Variants in TMEM144 observed in about 807,000 individuals in gnomAD.
TMEM144 encodes the protein transmembrane protein 144.
Under a neutral mutation model 43.6 loss-of-function variants are expected in TMEM144, and 39 were observed. The observed-to-expected ratio is 0.90, with a 90% confidence interval of 0.69 to 1.17. The LOEUF is 1.17. Among genes scored for constraint, TMEM144 ranks in the 50% most tolerant of loss-of-function variants. TMEM144 has a pLI of 0.00. For missense variants in TMEM144, 417 were observed against 411.9 expected, an observed-to-expected ratio of 1.01 and a Z score of -0.11; for synonymous variants, 154 against 133.6, an observed-to-expected ratio of 1.15 and a Z score of -1.06.
At chr4:158,213,226 G>GA in intron 3 of TMEM144, 1 of 171,066 alleles carries the variant, frequency 5.8e-6, no homozygotes, top group Non-Finnish European at 1.2e-5. Context: ...TACACATAAT[G>GA]CACGCAGACA....
In TMEM144 at chr4:158,233,216, A is replaced by G. The variant is rs1735171473; in HGVS notation, c.495+234A>G. ...TTATTTTGATTAACAGATCTCTACT[A>G]GGTGATATATATATAACCCCATTTT... On this transcript the variant is annotated intron_variant, in intron 7 of 12. Transcript: ENST00000296529. 9 of 353,816 alleles carry G rather than the reference A, an allele frequency of 2.5e-5. No homozygotes were observed. In the South Asian group the frequency reaches 4.6e-4, roughly 18 times the overall value. The allele number at this position is 353,816 out of a possible 1,614,324, so 21.9% of individuals were successfully genotyped here. A position where few individuals can be genotyped will look rare whatever the true frequency, so the allele number is the denominator to read the frequency against.
rs374339575 is a variant in TMEM144, at chr4:158,244,396, C to G, written c.954+47C>G. ...CTTAGAAAATGGGAATGGGGTAGGC[C>G]GGGCGTGGTGGCTCACGCTTGTCCT... is the stretch of plus-strand genomic sequence containing the variant. On this transcript the variant is annotated intron_variant, in intron 12 of 12. Transcript: ENST00000296529. 3 of 1,518,182 alleles carry G rather than the reference C, an allele frequency of 2.0e-6. No individual in the cohort carries two copies. The African/African-American group carries it at 4.2e-5, about 21-fold the overall frequency. The allele number at this position is 1,518,182 out of a possible 1,614,324, so 94.0% of individuals were successfully genotyped here. A position where few individuals can be genotyped will look rare whatever the true frequency, so the allele number is the denominator to read the frequency against.
chr4:158,250,018 A>G (rs542555052), intron 12 of TMEM144, among the ~76,000 whole-genome samples: 1 of 151,496 alleles, frequency 6.6e-6, no homozygotes, highest in East Asian at 1.9e-4. Flanking sequence ...TGTTAGTGCT[A>G]AGGATCACAC....
chr4:158,212,590 T>C lies in TMEM144; in HGVS notation c.-60-18T>C. The C allele has an allele frequency of 9.4e-7, 1 of 1,065,386 alleles. No individual in the cohort carries two copies. Among genetic ancestry groups the C allele is most frequent in the Non-Finnish European group, 1.4e-6 (1 of 730,004 alleles). The allele number at this position is 1,065,386 out of a possible 1,614,324, so 66.0% of individuals were successfully genotyped here. ...ACAGATTCACGTCTCAATTGTTTCA[T>C]TTTTTCTTTTATTTCAGAAGCTCCT... On this transcript the variant is annotated intron_variant, in intron 2 of 12. Transcript: ENST00000296529.
chr4:158,224,199 A>C (rs916713832), intron 6 of TMEM144, among the ~76,000 whole-genome samples: 2 of 152,102 alleles, frequency 1.3e-5, no homozygotes, highest in African/African-American at 4.8e-5. Flanking sequence ...TGGTCATGCA[A>C]ATGTCTTCTT....
intron 4 of TMEM144, among the ~76,000 whole-genome samples, chr4:158,215,850 C>T (rs532257313): frequency 4.3e-4 from 66 of 152,022 alleles, no homozygotes; most frequent in African/African-American, 1.5e-3. Flanking sequence ...GAAATGTTTC[C>T]CTTCAATTAA....
At chr4:158,227,605 T>A (rs1734840786) in intron 6 of TMEM144, among the ~76,000 whole-genome samples, 2 of 152,166 alleles carry the variant, frequency 1.3e-5, no homozygotes, top group East Asian at 3.8e-4. Context: ...TGCCTCTGTC[T>A]CTTCCTCTCT....
chr4:158,253,411 TA>T, intron 12 of TMEM144, 32 bp from the exon 13 acceptor site: 2 of 1,546,928 alleles, frequency 1.3e-6, no homozygotes, highest in Non-Finnish European at 1.8e-6. Flanking sequence ...ATTCAGGCCT[TA>T]TTCATCACTG....
rs1733900223 is a variant in TMEM144, at chr4:158,210,504, G to C, written c.-265G>C. 1 of 152,390 alleles carries C rather than the reference G, an allele frequency of 6.6e-6. No homozygotes were observed. The highest frequency in any genetic ancestry group is 2.4e-5 in the African/African-American group (1 of 41,468). The allele number at this position is 152,390 out of a possible 1,614,324, so 9.4% of individuals were successfully genotyped here. On this transcript the variant is annotated 5_prime_UTR_variant, in exon 1 of 13. Transcript: ENST00000296529. The stretch of plus-strand genomic sequence containing the variant: ...CCAGCACGTAGAGGGAATGAGTCAG[G>C]CTCCGGCTCCACACTGGCACGTAGT...
chr4:158,235,596 CAAG>C (rs1209576732), intron 8 of TMEM144, 91 bp downstream of exon 8: 1 of 1,305,860 alleles, frequency 7.7e-7, no homozygotes, highest in African/African-American at 1.5e-5. Flanking sequence ...CATCTGAGTT[CAAG>C]AAGAAAATTG....
chr4:158,244,451 C>A, intron 12 of TMEM144, 102 bp downstream of exon 12: 1 of 901,428 alleles, frequency 1.1e-6, no homozygotes, highest in Non-Finnish European at 1.8e-6. Flanking sequence ...GCAGGTGGAT[C>A]GTGAGGTTAG....
Position 158,253,651 on chromosome 4 carries a change from G to T in TMEM144, c.*124G>T. ...AATGGATCTCAGCCACTGTTGGAGT[G>T]GGTAAATGATTTTTTTCCCCAAAAA... is the stretch of plus-strand genomic sequence containing the variant. On this transcript the variant is annotated 3_prime_UTR_variant, in exon 13 of 13. Transcript: ENST00000296529. 1 of 704,322 alleles carries T rather than the reference G, an allele frequency of 1.4e-6. No homozygotes were observed. The highest frequency in any genetic ancestry group is 2.3e-6 in the Non-Finnish European group (1 of 431,774). The allele number at this position is 704,322 out of a possible 1,614,324, so 43.6% of individuals were successfully genotyped here. A position where few individuals can be genotyped will look rare whatever the true frequency, so the allele number is the denominator to read the frequency against.
chr4:158,213,239 C>CCGA, intron 3 of TMEM144: 1 of 161,992 alleles, frequency 6.2e-6, no homozygotes, highest in Non-Finnish European at 1.3e-5. Context: ...CGCAGACACA[C>CCGA]GTACAATCTT....
intron 12 of TMEM144, among the ~76,000 whole-genome samples, chr4:158,249,273 G>A (rs1579157962): frequency 6.6e-6 from 1 of 152,118 alleles, no homozygotes; most frequent in South Asian, 2.1e-4. Context: ...AAATCTTTAA[G>A]CTAGATATAA....
At chr4:158,210,788 T>C (rs1245017992) in intron 1 of TMEM144, 2 of 152,162 alleles carry the variant, frequency 1.3e-5, no homozygotes, top group Non-Finnish European at 1.5e-5. Context: ...GAAATTTTAG[T>C]TGGAGTGGAG....
chr4:158,235,541 T>C (rs199784924), intron 8 of TMEM144, 36 bp downstream of exon 8: 1 of 1,567,654 alleles, frequency 6.4e-7, no homozygotes, highest in East Asian at 2.3e-5. Flanking sequence ...TATTACTCTG[T>C]TTCATATTTG....
In TMEM144 at chr4:158,235,425, A is replaced by G. The variant is rs755203836; in HGVS notation, c.496-13A>G. On this transcript the variant is annotated splice_polypyrimidine_tract_variant and intron_variant, in intron 7 of 12. Transcript: ENST00000296529. ...TGTTCTTTTGTTTTAATTTGGGCCAATGTTTTCAATAGGTGATCAACACAA... is the reference window on the plus strand; with the variant it reads ...TGTTCTTTTGTTTTAATTTGGGCCAGTGTTTTCAATAGGTGATCAACACAA... The G allele has an allele frequency of 2.5e-6, 4 of 1,613,064 alleles. No homozygotes were observed. The highest frequency in any genetic ancestry group is 1.1e-5 in the South Asian group (1 of 90,886).
In TMEM144 at chr4:158,240,331, A is replaced by T. The variant is rs62335898; in HGVS notation, c.715A>T (p.Ile239Phe). 15,078 of 1,613,760 alleles carry T rather than the reference A, an allele frequency of 9.3e-3. 88 individuals are homozygous for T. Among genetic ancestry groups the T allele is most frequent in the Non-Finnish European group, 0.012 (14,153 of 1,179,840 alleles). Residue 239 changes from isoleucine (I) to phenylalanine (F), a missense_variant, in exon 10 of 13, where the codon ATC becomes TTC. Ile to Phe is a conservative substitution (Grantham distance 21). Transcript: ENST00000296529. ...CTATGTGTTTGCGCACTTCAGTGGC[A>T]TCTTTCTTACAAGTACTGTCTACTT... The part of the protein sequence containing the change: ...LDYVFAHFSG[I>F]FLTSTVYFLA...
Position 158,253,601 on chromosome 4 carries a change from G to C in TMEM144, c.*74G>C. 1 of 1,251,518 alleles carries C rather than the reference G, an allele frequency of 8.0e-7. No homozygotes were observed. The highest frequency in any genetic ancestry group is 1.1e-6 in the Non-Finnish European group (1 of 871,096). 77.5% of individuals were successfully genotyped at this position (1,251,518 alleles called of 1,614,324 possible). Reference sequence around the variant, plus strand: ...TCGGACAGCGGAGAGATCATGCTGAGAAAAGAGTGCATTTTCATATAGCAA... The same window carrying C: ...TCGGACAGCGGAGAGATCATGCTGACAAAAGAGTGCATTTTCATATAGCAA... On this transcript the variant is annotated 3_prime_UTR_variant, in exon 13 of 13. Transcript: ENST00000296529.
Sources: gnomAD v4.1 joint callset for allele counts (sites outside exome capture counted in the v4.1 genomes callset) on GRCh38, gnomAD v4.1.1 for gene constraint, MANE v1.5 for transcripts, NCBI Gene and HGNC (gene_info 2026-07-23, HGNC 2026-07-21) for gene names.